Variants in TBC1D22A observed in about 807,000 individuals in gnomAD.
TBC1D22A encodes TBC1 domain family member 22A, also known as putative GTPase activator.
A neutral mutation model predicts 60.2 loss-of-function variants in TBC1D22A; 38 were observed. The ratio of observed to expected loss-of-function variants is 0.63; its 90% CI spans 0.49 to 0.83. TBC1D22A has a LOEUF of 0.83. Ranked by LOEUF, TBC1D22A falls within the 40% of genes least tolerant of loss-of-function variation. TBC1D22A has a pLI of 0.00. For synonymous variants in TBC1D22A, 302 were observed against 281.7 expected, an observed-to-expected ratio of 1.07 and a Z score of -0.72; for missense variants, 628 against 701.0, an observed-to-expected ratio of 0.90 and a Z score of 1.18.
intron 8 of TBC1D22A, among the ~76,000 whole-genome samples, chr22:46,923,725 C>A (rs2070887532): frequency 1.3e-5 from 2 of 152,252 alleles, no homozygotes; most frequent in Non-Finnish European, 2.9e-5. Flanking sequence ...GTTTTCTATG[C>A]ATTGTATTTA....
At chr22:46,903,927 GCC>G (rs2069194472) in intron 7 of TBC1D22A, among the ~76,000 whole-genome samples, 1 of 152,154 alleles carries the variant, frequency 6.6e-6, no homozygotes, top group Non-Finnish European at 1.5e-5. Context: ...GTGCCCCGCT[GCC>G]CGTGGACGCA....
chr22:46,868,414 G>C (rs912708193), intron 4 of TBC1D22A, among the ~76,000 whole-genome samples: 1 of 152,146 alleles, frequency 6.6e-6, no homozygotes, highest in Non-Finnish European at 1.5e-5. Context: ...TTTGTGTTTA[G>C]ATTTAGGTCT....
At chr22:46,783,780 G>A (rs190266703) in intron 1 of TBC1D22A, among the ~76,000 whole-genome samples, 1 of 152,256 alleles carries the variant, frequency 6.6e-6, no homozygotes, top group African/African-American at 2.4e-5. Flanking sequence ...TCCATTATAT[G>A]TATGTATTCT....
chr22:46,958,198 G>A (rs990593114), intron 8 of TBC1D22A, among the ~76,000 whole-genome samples: 28 of 152,208 alleles, frequency 1.8e-4, no homozygotes, highest in African/African-American at 6.8e-4. Context: ...TGCTCTGGCG[G>A]TTGTGACCTC....
intron 7 of TBC1D22A, among the ~76,000 whole-genome samples, chr22:46,904,157 A>G (rs111359507): frequency 0.04 from 5,860 of 145,126 alleles, 351 homozygotes; most frequent in African/African-American, 0.11. Flanking sequence ...CTACCTACCT[A>G]CCTACCTACC....
At chr22:46,941,206 T>TACACACACACACACACACACAC (rs1555959638) in intron 8 of TBC1D22A, among the ~76,000 whole-genome samples, 31 of 55,790 alleles carry the variant, frequency 5.6e-4, no homozygotes, top group Non-Finnish European at 7.7e-4. Context: ...TGTATATATG[T>TACACACACACACACACACACAC]ATACACACAC....
At chr22:47,075,001 A>G (rs892016319) in intron 11 of TBC1D22A, among the ~76,000 whole-genome samples, 1 of 152,188 alleles carries the variant, frequency 6.6e-6, no homozygotes, top group Admixed American at 6.5e-5. Context: ...AGGCAGGCAG[A>G]TCACGAGGTC....
chr22:46,874,089 C>T (rs545934899), intron 4 of TBC1D22A, among the ~76,000 whole-genome samples: 10 of 152,254 alleles, frequency 6.6e-5, no homozygotes, highest in Admixed American at 2.6e-4. Context: ...GGATTACAGG[C>T]GTGAGCCACC....
intron 8 of TBC1D22A, among the ~76,000 whole-genome samples, chr22:46,956,792 T>A (rs1177444040): frequency 6.6e-6 from 1 of 152,208 alleles, no homozygotes; most frequent in Non-Finnish European, 1.5e-5. Flanking sequence ...GGGCTTTAGG[T>A]GAGGCACTTC....
At chr22:46,966,381 CAGA>C (rs2073806128) in intron 8 of TBC1D22A, among the ~76,000 whole-genome samples, 1 of 152,220 alleles carries the variant, frequency 6.6e-6, no homozygotes, top group African/African-American at 2.4e-5. Flanking sequence ...GTCTGTGAGT[CAGA>C]GGAGCACATG....
At chr22:46,778,642 G>A (rs2083805615) in intron 1 of TBC1D22A, among the ~76,000 whole-genome samples, 1 of 152,066 alleles carries the variant, frequency 6.6e-6, no homozygotes, top group Non-Finnish European at 1.5e-5. Flanking sequence ...GCCTTCTTCT[G>A]GAATGCCTCC....
chr22:47,095,924 G>T (rs1272713106), intron 11 of TBC1D22A, among the ~76,000 whole-genome samples: 1 of 152,234 alleles, frequency 6.6e-6, no homozygotes, highest in Admixed American at 6.5e-5. Flanking sequence ...GTCCACTCCT[G>T]GCTGACCCCA....
rs544000712 is a variant in TBC1D22A at position 46,918,056 on chromosome 22, T to C, written c.1015+5868T>C. 4.0e-5 allele frequency among the ~76,000 whole-genome samples: 6 copies of C among 150,380 alleles called. No individual in the cohort carries two copies. In the South Asian group the frequency reaches 1.3e-3, roughly 32 times the overall value. On this transcript the variant is annotated intron_variant, in intron 8 of 12. Coordinates refer to ENST00000337137, the MANE Select transcript of TBC1D22A (RefSeq NM_014346.5). ...AGTGATCTCTGCAGTGGACACGAAATGGAGATCGTAATGGCACCAGTCCCT... is the reference window on the plus strand; with the variant it reads ...AGTGATCTCTGCAGTGGACACGAAACGGAGATCGTAATGGCACCAGTCCCT...
At chr22:47,156,409 CA>C (rs1462654573) in intron 12 of TBC1D22A, among the ~76,000 whole-genome samples, 3 of 152,316 alleles carry the variant, frequency 2.0e-5, no homozygotes, top group Non-Finnish European at 4.4e-5. Flanking sequence ...GGGGAGGCGG[CA>C]GCCCTGCCAC....
At chr22:47,157,747 C>T (rs1569477186) in intron 12 of TBC1D22A, among the ~76,000 whole-genome samples, 1 of 152,234 alleles carries the variant, frequency 6.6e-6, no homozygotes, top group Non-Finnish European at 1.5e-5. Context: ...CTTCTCTTCC[C>T]AAGGGCTGGG....
At chr22:47,114,942 T>G (rs753314835) in intron 12 of TBC1D22A, among the ~76,000 whole-genome samples, 2 of 151,942 alleles carry the variant, frequency 1.3e-5, no homozygotes, top group Non-Finnish European at 2.9e-5. Context: ...CCCTTGGCCT[T>G]TGAGCCTCAT....
At chr22:46,891,146 G>T (rs748623874) in intron 5 of TBC1D22A, 120 bp from the exon 6 acceptor site, 3 of 1,146,104 alleles carry the variant, frequency 2.6e-6, no homozygotes, top group Middle Eastern at 3.0e-4. Flanking sequence ...GCTCCTCTCT[G>T]TGTCAGATTT....
chr22:46,894,962 T>A (rs2071119), intron 7 of TBC1D22A, 116 bp downstream of exon 7: 6 of 1,120,214 alleles, frequency 5.4e-6, no homozygotes, highest in Non-Finnish European at 4.1e-6. Flanking sequence ...GTTGCTGTGG[T>A]GAGCTGCCGG....
In TBC1D22A at chr22:46,976,357, C is replaced by T. The variant is rs144859930; in HGVS notation, c.1125+1958C>T. Reference sequence around the variant, plus strand: ...GCCGTTGATCTTCTCTCACGTGCCACGATGGATTCCACATGATCCTCCCAG... The same window carrying T: ...GCCGTTGATCTTCTCTCACGTGCCATGATGGATTCCACATGATCCTCCCAG... On this transcript the variant is annotated intron_variant, in intron 9 of 12. Coordinates refer to ENST00000337137, the MANE Select transcript of TBC1D22A (RefSeq NM_014346.5). Among the ~76,000 whole-genome samples, 14 of 152,324 alleles carry T rather than the reference C, an allele frequency of 9.2e-5. No individual in the cohort carries two copies. In the Middle Eastern group the frequency reaches 0.017, roughly 185 times the overall value.
Sources: allele counts gnomAD v4.1 joint callset (sites outside exome capture counted in the v4.1 genomes callset), GRCh38; gene constraint gnomAD v4.1.1; transcripts MANE v1.5; gene names NCBI Gene and HGNC (gene_info 2026-07-23, HGNC 2026-07-21).